CCDC171: variants seen among roughly 807,000 people sequenced by gnomAD.
CCDC171 encodes the protein coiled-coil domain-containing protein 171.
In CCDC171, 177 loss-of-function variants were observed where a neutral mutation model predicts 168.2. The ratio of observed to expected loss-of-function variants is 1.05; its 90% CI spans 0.93 to 1.19. The LOEUF is 1.19. Ranked by LOEUF, CCDC171 falls within the 50% of genes most tolerant of loss-of-function variation. The pLI is 0.00. For missense variants in CCDC171, 1,991 were observed against 1,539.0 expected, an observed-to-expected ratio of 1.29 and a Z score of -4.91; for synonymous variants, 687 against 540.8, an observed-to-expected ratio of 1.27 and a Z score of -3.75.
Position 15,836,868 on chromosome 9 carries a change from C to T in CCDC171, c.3268-9834C>T, listed in dbSNP as rs1342893797. Among the ~76,000 whole-genome samples, 4 of 152,310 alleles carry T rather than the reference C, an allele frequency of 2.6e-5. No homozygotes were observed. In the East Asian group the frequency reaches 5.8e-4, roughly 22 times the overall value. On this transcript the variant is annotated intron_variant, in intron 21 of 25. Coordinates refer to ENST00000380701, the MANE Select transcript of CCDC171 (RefSeq NM_173550.4). ...GTGGAACGGGAGAATATACTTTCCC[C>T]TCTTGGAGAAGGAACAAATAGTTTG...
At chr9:15,707,238 T>G (rs2052316639) in intron 11 of CCDC171, among the ~76,000 whole-genome samples, 1 of 152,248 alleles carries the variant, frequency 6.6e-6, no homozygotes, top group African/African-American at 2.4e-5. Flanking sequence ...AGTTTCAGTT[T>G]ATGAAATCCA....
rs575021054 is a variant in CCDC171 at position 15,559,023 on chromosome 9, T to G, written c.-111-4955T>G. 5.3e-5 allele frequency among the ~76,000 whole-genome samples: 8 copies of G among 152,314 alleles called. No homozygotes were observed. In the East Asian group the frequency reaches 1.3e-3, roughly 26 times the overall value. On this transcript the variant is annotated intron_variant, in intron 1 of 25. Coordinates refer to ENST00000380701, the MANE Select transcript of CCDC171 (RefSeq NM_173550.4). ...GTCATTCAGGAGCAGGTTGTTCAGT[T>G]TCCACGTAGTTGAGCGGTTGTGAGT...
intron 18 of CCDC171, among the ~76,000 whole-genome samples, chr9:15,767,755 A>G (rs915969642): frequency 3.5e-5 from 5 of 140,862 alleles, no homozygotes; most frequent in African/African-American, 8.0e-5. Context: ...TCCTCTTTTC[A>G]TGTCCTTGGG....
intron 24 of CCDC171, among the ~76,000 whole-genome samples, chr9:15,877,659 A>C (rs930287751): frequency 6.6e-6 from 1 of 152,154 alleles, no homozygotes; most frequent in African/African-American, 2.4e-5. Flanking sequence ...ATAGGCTTTC[A>C]TTATAATAGT....
intron 3 of CCDC171, among the ~76,000 whole-genome samples, chr9:15,988,707 G>A: frequency 6.6e-6 from 1 of 152,186 alleles, no homozygotes; most frequent in Non-Finnish European, 1.5e-5. Flanking sequence ...GACGGCACAT[G>A]GAAAATCGGG....
chr9:15,758,822 A>AT (rs1319073885), intron 18 of CCDC171, among the ~76,000 whole-genome samples: 1 of 151,694 alleles, frequency 6.6e-6, no homozygotes, highest in Non-Finnish European at 1.5e-5. Context: ...CTTGAGTCTC[A>AT]TTTTCTCTCT....
At chr9:15,634,221 A>G (rs188985681) in intron 7 of CCDC171, among the ~76,000 whole-genome samples, 77 of 152,258 alleles carry the variant, frequency 5.1e-4, no homozygotes, top group African/African-American at 1.7e-3. Context: ...AAAAAAGAAA[A>G]ATAATTTAAA....
intron 24 of CCDC171, among the ~76,000 whole-genome samples, chr9:15,883,836 T>C (rs1819031327): frequency 6.6e-6 from 1 of 152,194 alleles, no homozygotes; most frequent in African/African-American, 2.4e-5. Flanking sequence ...TTTTCTAGTT[T>C]TGTTGTTTAT....
chr9:16,069,731 C>A, the CCDC171 span, among the ~76,000 whole-genome samples: 10 of 152,196 alleles, frequency 6.6e-5, no homozygotes, highest in Non-Finnish European at 1.3e-4. Flanking sequence ...CCCAGCCTTT[C>A]CTTTTGCACA....
intron 25 of CCDC171, among the ~76,000 whole-genome samples, chr9:15,941,558 C>A (rs1314846839): frequency 6.6e-6 from 1 of 151,980 alleles, no homozygotes; most frequent in South Asian, 2.1e-4. Flanking sequence ...AAGTTCCATT[C>A]ATCTGATCAA....
intron 3 of CCDC171, among the ~76,000 whole-genome samples, chr9:15,981,768 T>C (rs1353137228): frequency 6.6e-6 from 1 of 152,162 alleles, no homozygotes; most frequent in East Asian, 1.9e-4. Context: ...CCCCCACCTT[T>C]TTCTGGCTCC....
chr9:15,622,294 T>C (rs1432224475), intron 6 of CCDC171, among the ~76,000 whole-genome samples: 1 of 152,092 alleles, frequency 6.6e-6, no homozygotes, highest in African/African-American at 2.4e-5. Context: ...GTTAAAAAAA[T>C]AGAAATAAGA....
At chr9:16,051,954 A>G (rs914022651) in intron 1 of CCDC171, among the ~76,000 whole-genome samples, 3 of 152,004 alleles carry the variant, frequency 2.0e-5, no homozygotes, top group Non-Finnish European at 4.4e-5. Flanking sequence ...AAGAGAGAGA[A>G]CTCCCCTTTA....
chr9:15,966,998 A>G (rs1367993854), intron 25 of CCDC171, among the ~76,000 whole-genome samples: 2 of 152,172 alleles, frequency 1.3e-5, no homozygotes, highest in African/African-American at 4.8e-5. Context: ...ATGTGTATAT[A>G]TATCTCAGAT....
intron 21 of CCDC171, among the ~76,000 whole-genome samples, chr9:15,820,590 G>T (rs1160290520): frequency 8.5e-6 from 1 of 117,896 alleles, no homozygotes; most frequent in African/African-American, 3.2e-5. Flanking sequence ...AAATCTAGAA[G>T]AAATGGATAA....
At chr9:15,619,175 A>G (rs1389176775) in intron 6 of CCDC171, among the ~76,000 whole-genome samples, 3 of 151,956 alleles carry the variant, frequency 2.0e-5, no homozygotes, top group Admixed American at 6.6e-5. Context: ...AGTTAACTCT[A>G]CAGTGTCCTC....
intron 7 of CCDC171, among the ~76,000 whole-genome samples, chr9:15,632,556 T>C (rs1178822889): frequency 6.6e-6 from 1 of 152,148 alleles, no homozygotes; most frequent in Non-Finnish European, 1.5e-5. Context: ...TCCATGCTCA[T>C]GGGTAGGAAG....
At chr9:16,033,349 C>A (rs1833399161) in intron 6 of CCDC171, among the ~76,000 whole-genome samples, 1 of 152,196 alleles carries the variant, frequency 6.6e-6, no homozygotes, top group Non-Finnish European at 1.5e-5. Flanking sequence ...GTACTTACAG[C>A]CACTCTCCAT....
chr9:15,888,949 C>CTTTTTTTTTTTTTTT lies in CCDC171; in HGVS notation c.3600+14298_3600+14312dup, dbSNP rs371508341. On this transcript the variant is annotated intron_variant, in intron 24 of 25. Transcript: ENST00000380701. The stretch of plus-strand genomic sequence containing the variant: ...ATGGTATATGCCTCATTTTTCTTTT[C>CTTTTTTTTTTTTTTT]TTTTTTTTTTTTTTTTTTTTTTTTT... 60 of 73,330 alleles carry CTTTTTTTTTTTTTTT rather than the reference C, an allele frequency of 8.2e-4. 9 individuals are homozygous for CTTTTTTTTTTTTTTT. The highest frequency in any genetic ancestry group is 1.3e-3 in the Non-Finnish European group (50 of 39,886). The allele number at this position is 73,330 out of a possible 1,614,324, so 4.5% of individuals were successfully genotyped here.
Sources: allele counts gnomAD v4.1 joint callset (sites outside exome capture counted in the v4.1 genomes callset), GRCh38; gene constraint gnomAD v4.1.1; transcripts MANE v1.5; gene names NCBI Gene and HGNC (gene_info 2026-07-23, HGNC 2026-07-21).